The following EPB41 variants were observed in gnomAD, a reference collection of about 807,000 sequenced individuals.
EPB41 encodes erythrocyte membrane protein band 4.1.
A neutral mutation model predicts 108.0 loss-of-function variants in EPB41; 65 were observed. That is an observed-to-expected ratio of 0.60 (90% CI 0.49 to 0.74). The LOEUF (loss-of-function observed/expected upper bound fraction) is 0.74. Ranked by LOEUF, EPB41 falls within the 30% of genes least tolerant of loss-of-function variation. The pLI is 0.00. For missense variants in EPB41, 875 were observed against 1,037.0 expected, an observed-to-expected ratio of 0.84 and a Z score of 2.15; for synonymous variants, 336 against 358.9, an observed-to-expected ratio of 0.94 and a Z score of 0.72.
At chr1:29,107,851 C>CAAA (rs58046908) in intron 17 of EPB41, among the ~76,000 whole-genome samples, 16 of 62,806 alleles carry the variant, frequency 2.5e-4, no homozygotes, top group African/African-American at 8.9e-4. Context: ...AACTCCATCT[C>CAAA]AAAAAAAAAA....
At chr1:28,927,503 T>C (rs1421519210) in intron 1 of EPB41, among the ~76,000 whole-genome samples, 1 of 152,212 alleles carries the variant, frequency 6.6e-6, no homozygotes. Flanking sequence ...CTCTATGGTC[T>C]TTGTTCCTAA....
At position 29,109,358 on chromosome 1, in the gene EPB41, T is replaced by C. The variant is rs779550116; in HGVS notation, c.2336T>C (p.Leu779Ser). 1 of 1,614,018 alleles carries C rather than the reference T, an allele frequency of 6.2e-7. No homozygotes were observed. Among genetic ancestry groups the C allele is most frequent in the Admixed American group, 1.7e-5 (1 of 59,982 alleles). The change falls in exon 18 of 21, where the codon TTG becomes TCG. Residue 779 changes from leucine (L) to serine (S), a missense_variant. By Grantham distance (145) the Leu-to-Ser change is moderately radical. Coordinates refer to ENST00000343067, the MANE Select transcript of EPB41 (RefSeq NM_001376013.1). Reference sequence around the variant, plus strand: ...CAGACTGACGACAACAGTGGAGACTTGGACCCAGGAGTCTTGCTGACAGCT... The same window carrying C: ...CAGACTGACGACAACAGTGGAGACTCGGACCCAGGAGTCTTGCTGACAGCT... ...AAQTDDNSGD[L>S]DPGVLLTAQT... is the part of the protein sequence containing the mutation.
At chr1:29,111,465 G>C (rs1669128834) in intron 18 of EPB41, among the ~76,000 whole-genome samples, 1 of 151,748 alleles carries the variant, frequency 6.6e-6, no homozygotes, top group Non-Finnish European at 1.5e-5. Context: ...GACCATCCTA[G>C]CTGACAAAAA....
chr1:28,998,818 C>G (rs2096240272), intron 4 of EPB41, among the ~76,000 whole-genome samples: 1 of 152,124 alleles, frequency 6.6e-6, no homozygotes, highest in Non-Finnish European at 1.5e-5. Flanking sequence ...GTTCTCATCA[C>G]AAGGTCAAAT....
At chr1:28,938,365 C>T (rs1298412858) in intron 1 of EPB41, among the ~76,000 whole-genome samples, 2 of 152,008 alleles carry the variant, frequency 1.3e-5, no homozygotes, top group African/African-American at 4.8e-5. Context: ...TTAGGTCTTC[C>T]TTAATTTCTT....
At chr1:29,062,846 C>T (rs532198740) in intron 15 of EPB41, among the ~76,000 whole-genome samples, 7 of 152,262 alleles carry the variant, frequency 4.6e-5, no homozygotes, top group African/African-American at 7.2e-5. Flanking sequence ...TAATTTTACT[C>T]TGTGCCCCCA....
chr1:28,898,797 C>G (rs560282670), intron 1 of EPB41, among the ~76,000 whole-genome samples: 2 of 152,264 alleles, frequency 1.3e-5, no homozygotes, highest in African/African-American at 4.8e-5. Flanking sequence ...CACTCTCCCA[C>G]CCCCTGCACT....
intron 1 of EPB41, among the ~76,000 whole-genome samples, chr1:28,957,491 G>A (rs1017269311): frequency 6.6e-6 from 1 of 152,040 alleles, no homozygotes; most frequent in Non-Finnish European, 1.5e-5. Context: ...TGCAACCTCC[G>A]CCTCCTGGGT....
In EPB41 at chr1:29,055,921, A is replaced by G. The variant is rs566980674; in HGVS notation, c.1845+2609A>G. Reference sequence around the variant, plus strand: ...CCACGCCAGCCTGGGCAACAGAGCAAGACTGTCTCAAAAAAAAAAAAAAAA... The same window carrying G: ...CCACGCCAGCCTGGGCAACAGAGCAGGACTGTCTCAAAAAAAAAAAAAAAA... On this transcript the variant is annotated intron_variant, in intron 12 of 20. Coordinates refer to ENST00000343067, the MANE Select transcript of EPB41 (RefSeq NM_001376013.1). 3.7e-5 allele frequency among the ~76,000 whole-genome samples: 4 copies of G among 107,804 alleles called. No homozygotes were observed. The South Asian group carries it at 1.5e-3, about 40-fold the overall frequency. The allele number at this position is 107,804 out of a possible 152,430, so 70.7% of individuals were successfully genotyped here. A position where few individuals can be genotyped will look rare whatever the true frequency, so the allele number is the denominator to read the frequency against.
intron 6 of EPB41, among the ~76,000 whole-genome samples, chr1:29,017,226 G>A (rs535511747): frequency 2.6e-5 from 4 of 152,194 alleles, no homozygotes; most frequent in African/African-American, 9.6e-5. Context: ...TTTGTGCCTT[G>A]TTTGGCATTG....
At chr1:28,936,244 GC>G (rs1158292954) in intron 1 of EPB41, among the ~76,000 whole-genome samples, 1 of 152,026 alleles carries the variant, frequency 6.6e-6, no homozygotes, top group Non-Finnish European at 1.5e-5. Context: ...AAGTCATTTG[GC>G]CTATTTCTTC....
chr1:28,960,629 C>T (rs2095169663), intron 1 of EPB41, among the ~76,000 whole-genome samples: 1 of 150,676 alleles, frequency 6.6e-6, no homozygotes, highest in African/African-American at 2.4e-5. Context: ...CCTGTAGAGG[C>T]TGTGGTAGGA....
At chr1:29,107,141 C>T (rs1168117491) in intron 17 of EPB41, among the ~76,000 whole-genome samples, 2 of 151,950 alleles carry the variant, frequency 1.3e-5, no homozygotes, top group Non-Finnish European at 2.9e-5. Context: ...CGAGATCCCA[C>T]TATTGTACTC....
intron 1 of EPB41, among the ~76,000 whole-genome samples, chr1:28,941,838 G>A (rs2094299055): frequency 6.9e-6 from 1 of 144,638 alleles, no homozygotes; most frequent in Non-Finnish European, 1.5e-5. Flanking sequence ...AGGTTGCAGT[G>A]AGCTGAGATG....
chr1:29,015,642 A>G (rs1272506143), intron 5 of EPB41, 50 bp from the exon 6 acceptor site: 1 of 1,128,562 alleles, frequency 8.9e-7, no homozygotes, highest in Non-Finnish European at 1.3e-6. Context: ...ACTTCCAACA[A>G]TTAGAAACTT....
chr1:28,977,378 T>C (rs2095631662), intron 1 of EPB41, among the ~76,000 whole-genome samples: 1 of 147,438 alleles, frequency 6.8e-6, no homozygotes, highest in African/African-American at 2.6e-5. Context: ...CTTTTCAGTC[T>C]GTTCAGTATG....
intron 1 of EPB41, among the ~76,000 whole-genome samples, chr1:28,983,111 A>C (rs1033360603): frequency 2.0e-5 from 3 of 152,194 alleles, no homozygotes; most frequent in Admixed American, 2.0e-4. Context: ...GAATCTGGGC[A>C]CTTGTCACAG....
At chr1:28,952,217 T>C (rs1161514323) in intron 1 of EPB41, among the ~76,000 whole-genome samples, 1 of 152,054 alleles carries the variant, frequency 6.6e-6, no homozygotes. Flanking sequence ...TTTTTTTTTT[T>C]TTCTGTCAGT....
At chr1:28,934,079 G>T (rs1330340720) in intron 1 of EPB41, among the ~76,000 whole-genome samples, 1 of 151,906 alleles carries the variant, frequency 6.6e-6, no homozygotes, top group African/African-American at 2.4e-5. Context: ...CAGTTTTCTT[G>T]GTTGTGATTG....
Sources: allele counts gnomAD v4.1 joint callset (sites outside exome capture counted in the v4.1 genomes callset), GRCh38; gene constraint gnomAD v4.1.1; transcripts MANE v1.5; gene names NCBI Gene and HGNC (gene_info 2026-07-23, HGNC 2026-07-21).